The following LRBA variants were observed in gnomAD, a reference collection of about 807,000 sequenced individuals.
The protein encoded by LRBA is lipopolysaccharide-responsive and beige-like anchor protein.
Under a neutral mutation model 330.0 loss-of-function variants are expected in LRBA, and 176 were observed. The observed-to-expected ratio is 0.53, with a 90% CI of 0.47 to 0.60. The LOEUF is 0.60. Ranked by LOEUF, LRBA falls within the 20% of genes least tolerant of loss-of-function variation. The pLI is 0.00. For missense variants in LRBA, 3,259 were observed against 3,444.8 expected, an observed-to-expected ratio of 0.95 and a Z score of 1.35; for synonymous variants, 1,230 against 1,193.0, an observed-to-expected ratio of 1.03 and a Z score of -0.64.
intron 40 of LRBA, among the ~76,000 whole-genome samples, chr4:150,509,948 C>A (rs933829112): frequency 6.6e-6 from 1 of 152,084 alleles, no homozygotes; most frequent in African/African-American, 2.4e-5. Flanking sequence ...ACCAGCCTGG[C>A]CAACATGGTG....
intron 36 of LRBA, among the ~76,000 whole-genome samples, chr4:150,708,049 T>G (rs1184350663): frequency 6.6e-6 from 1 of 151,822 alleles, no homozygotes; most frequent in Non-Finnish European, 1.5e-5. Context: ...TCATACTTAA[T>G]GAGGGCCTGC....
chr4:150,577,469 G>A (rs1327537854), intron 40 of LRBA, among the ~76,000 whole-genome samples: 2 of 150,298 alleles, frequency 1.3e-5, no homozygotes. Context: ...AAGTATATAA[G>A]AACTAAAAAT....
At chr4:150,757,761 A>G (rs917893615) in intron 35 of LRBA, among the ~76,000 whole-genome samples, 1 of 152,190 alleles carries the variant, frequency 6.6e-6, no homozygotes, top group Non-Finnish European at 1.5e-5. Flanking sequence ...AATATATTCT[A>G]CACTGTAAAT....
intron 35 of LRBA, among the ~76,000 whole-genome samples, chr4:150,746,324 A>G (rs1685904362): frequency 6.6e-6 from 1 of 152,134 alleles, no homozygotes; most frequent in Non-Finnish European, 1.5e-5. Flanking sequence ...ATTTATCAAA[A>G]TAGTCCCTTA....
At chr4:150,511,865 C>T (rs574265263) in intron 40 of LRBA, among the ~76,000 whole-genome samples, 1 of 152,272 alleles carries the variant, frequency 6.6e-6, no homozygotes. Flanking sequence ...ATATAATACT[C>T]CCACCACAGA....
At chr4:150,951,483 T>C (rs1254722585) in intron 2 of LRBA, among the ~76,000 whole-genome samples, 1 of 152,180 alleles carries the variant, frequency 6.6e-6, no homozygotes, top group African/African-American at 2.4e-5. Context: ...ATGTGTCTTA[T>C]AATCAATGGC....
At chr4:150,441,873 A>T (rs950019209) in intron 44 of LRBA, among the ~76,000 whole-genome samples, 1 of 152,124 alleles carries the variant, frequency 6.6e-6, no homozygotes, top group Non-Finnish European at 1.5e-5. Flanking sequence ...TTCTTTACTT[A>T]ACAGGTTGAT....
chr4:150,299,653 A>G (rs1442110394), intron 53 of LRBA, among the ~76,000 whole-genome samples: 1 of 152,010 alleles, frequency 6.6e-6, no homozygotes, highest in Non-Finnish European at 1.5e-5. Flanking sequence ...TAGATATGGA[A>G]AAAACAGTGT....
At chr4:150,685,191 A>C (rs545880474) in intron 36 of LRBA, among the ~76,000 whole-genome samples, 55 of 151,512 alleles carry the variant, frequency 3.6e-4, no homozygotes, top group African/African-American at 1.3e-3. Flanking sequence ...CTCCAGAATC[A>C]TGAACTTCCA....
At chr4:150,596,740 T>C (rs975077097) in intron 38 of LRBA, among the ~76,000 whole-genome samples, 1 of 151,640 alleles carries the variant, frequency 6.6e-6, no homozygotes, top group Admixed American at 6.6e-5. Flanking sequence ...AATGTCACCA[T>C]AAAATATTTA....
intron 40 of LRBA, among the ~76,000 whole-genome samples, chr4:150,560,485 C>T (rs976364452): frequency 1.3e-5 from 2 of 152,096 alleles, no homozygotes; most frequent in African/African-American, 4.8e-5. Context: ...CTTTGGAAGA[C>T]TCTAAAGCTA....
At chr4:150,709,453 C>T (rs932546270) in intron 36 of LRBA, among the ~76,000 whole-genome samples, 5 of 151,918 alleles carry the variant, frequency 3.3e-5, no homozygotes, top group Admixed American at 3.3e-4. Context: ...TATTATTAAC[C>T]TATAACTCCT....
At chr4:150,878,307 C>T (rs924693592) in intron 17 of LRBA, among the ~76,000 whole-genome samples, 1 of 151,956 alleles carries the variant, frequency 6.6e-6, no homozygotes, top group Non-Finnish European at 1.5e-5. Flanking sequence ...CCACTGCACT[C>T]CAGCCTGGGT....
At chr4:151,005,437 C>CAAAAAAAAAA (rs70941465) in intron 2 of LRBA, among the ~76,000 whole-genome samples, 1 of 60,576 alleles carries the variant, frequency 1.7e-5, no homozygotes, top group Non-Finnish European at 2.7e-5. Flanking sequence ...GACTCCAACT[C>CAAAAAAAAAA]AAAAAAAAAA....
intron 47 of LRBA, among the ~76,000 whole-genome samples, chr4:150,370,470 T>A (rs980324948): frequency 5.3e-5 from 8 of 151,756 alleles, no homozygotes; most frequent in African/African-American, 1.9e-4. Flanking sequence ...AACTATATGA[T>A]ACATTGGAAA....
intron 37 of LRBA, among the ~76,000 whole-genome samples, chr4:150,613,239 G>A (rs1775441210): frequency 6.6e-6 from 1 of 152,088 alleles, no homozygotes; most frequent in South Asian, 2.1e-4. Flanking sequence ...TTATTCTCAA[G>A]GTCCTCAAAA....
intron 28 of LRBA, among the ~76,000 whole-genome samples, chr4:150,837,051 T>C (rs534875177): frequency 6.6e-6 from 1 of 152,364 alleles, no homozygotes; most frequent in Non-Finnish European, 1.5e-5. Context: ...TTTTGTTATG[T>C]ACCCAGTAGT....
At chr4:150,884,704 A>G (rs1728757652) in intron 17 of LRBA, among the ~76,000 whole-genome samples, 1 of 152,218 alleles carries the variant, frequency 6.6e-6, no homozygotes, top group South Asian at 2.1e-4. Flanking sequence ...AAAACCAAAC[A>G]AAAACCAACA....
intron 47 of LRBA, among the ~76,000 whole-genome samples, chr4:150,413,883 A>T (rs1228723648): frequency 1.3e-5 from 2 of 152,178 alleles, no homozygotes; most frequent in African/African-American, 2.4e-5. Flanking sequence ...AAAAAACCAC[A>T]CACGACCATA....
Sources: gnomAD v4.1 joint callset for allele counts (sites outside exome capture counted in the v4.1 genomes callset) on GRCh38, gnomAD v4.1.1 for gene constraint, MANE v1.5 for transcripts, NCBI Gene and HGNC (gene_info 2026-07-23, HGNC 2026-07-21) for gene names.